GRHL1: variants seen among roughly 807,000 people sequenced by gnomAD.
GRHL1 encodes grainyhead-like protein 1 homolog.
Under a neutral mutation model 75.7 loss-of-function variants are expected in GRHL1, and 38 were observed. The observed-to-expected ratio is 0.50, with a 90% CI of 0.39 to 0.66. GRHL1 has a LOEUF of 0.66. GRHL1 is among the 30% of genes least tolerant of loss of function. The probability of loss-of-function intolerance (pLI) is 0.00; values close to 1 mark genes in which losing one functional copy is unlikely to be tolerated. For missense variants in GRHL1, 589 were observed against 767.5 expected, an observed-to-expected ratio of 0.77 and a Z score of 2.75; for synonymous variants, 266 against 279.4, an observed-to-expected ratio of 0.95 and a Z score of 0.48.
At chr2:9,972,877 T>C (rs111402150) in intron 8 of GRHL1, among the ~76,000 whole-genome samples, 1 of 152,298 alleles carries the variant, frequency 6.6e-6, no homozygotes, top group Non-Finnish European at 1.5e-5. Context: ...AGTGGTTTTT[T>C]TTTCTGTCTG....
chr2:9,960,776 T>C, intron 3 of GRHL1: 1 of 365,824 alleles, frequency 2.7e-6, no homozygotes, highest in African/African-American at 2.0e-5. Context: ...AGTAATTGTT[T>C]TTAGGATTAT....
intron 8 of GRHL1, among the ~76,000 whole-genome samples, chr2:9,979,167 A>AAAG (rs1171708342): frequency 6.9e-6 from 1 of 144,518 alleles, no homozygotes; most frequent in Non-Finnish European, 1.5e-5. Context: ...AAAAAAAAAA[A>AAAG]GGAAACCTTA....
intron 8 of GRHL1, among the ~76,000 whole-genome samples, chr2:9,966,593 T>G (rs1435131608): frequency 6.6e-6 from 1 of 152,210 alleles, no homozygotes; most frequent in Non-Finnish European, 1.5e-5. Context: ...ATTTATTCAA[T>G]AAGAATTTTA....
intron 14 of GRHL1, among the ~76,000 whole-genome samples, 184 bp downstream of exon 14, chr2:9,996,585 C>T (rs780825025): frequency 5.3e-4 from 80 of 152,338 alleles, no homozygotes; most frequent in African/African-American, 1.7e-3. Flanking sequence ...CTCACACAGT[C>T]ACTCAGTCAC....
Position 9,992,273 on chromosome 2 carries a change from G to A in GRHL1, c.1461+127G>A. 1 of 777,360 alleles carries A rather than the reference G, an allele frequency of 1.3e-6. No homozygotes were observed. The highest frequency in any genetic ancestry group is 2.0e-6 in the Non-Finnish European group (1 of 487,806). 48.2% of individuals were successfully genotyped at this position (777,360 alleles called of 1,614,324 possible). ...GGTTTGACCAGTTAGTCAGCTCTTTGGAATATTCTGCTGGGGTGACATGAT... is the reference window on the plus strand; with the variant it reads ...GGTTTGACCAGTTAGTCAGCTCTTTAGAATATTCTGCTGGGGTGACATGAT... On this transcript the variant is annotated intron_variant, in intron 11 of 15. Coordinates refer to ENST00000324907, the MANE Select transcript of GRHL1 (RefSeq NM_198182.3). This position sits in a 1 kb window ranked among gnomAD's most constrained non-coding sequence, Gnocchi z 4.6.
chr2:9,954,751 G>T, intron 1 of GRHL1, 164 bp from the exon 2 acceptor site: 1 of 686,356 alleles, frequency 1.5e-6, no homozygotes, highest in Non-Finnish European at 2.6e-6. Context: ...GGACCCATTG[G>T]TCTGCACTTA....
In GRHL1 at chr2:9,963,882, T is replaced by C. The variant is rs1365056967; in HGVS notation, c.747-4T>C. 6.2e-7 allele frequency: 1 copy of C among 1,607,400 alleles called. No individual in the cohort carries two copies. Among genetic ancestry groups the C allele is most frequent in the Non-Finnish European group, 8.5e-7 (1 of 1,177,516 alleles). On this transcript the variant is annotated splice_polypyrimidine_tract_variant and splice_region_variant and intron_variant, in intron 5 of 15. Transcript: ENST00000324907. ...AGAGACCTGTGACTTTTTTTGTCCT[T>C]TAGGAACAACTTTGAATATACCCTA...
At position 9,961,100 on chromosome 2, in the gene GRHL1, A is replaced by C; in HGVS notation, c.333A>C (p.Arg111Ser). Reference sequence around the variant, plus strand: ...CCCTCATCTCTGCTGGAGAAAACAGAGTGCAAGTACTGAAAAATGTGCCAT... The same window carrying C: ...CCCTCATCTCTGCTGGAGAAAACAGCGTGCAAGTACTGAAAAATGTGCCAT... ...EQPLISAGEN[R>S]VQVLKNVPFN... Residue 111 changes from arginine (R) to serine (S), a missense_variant, in exon 4 of 16, where the codon AGA becomes AGC. By Grantham distance (110) the Arg-to-Ser change is moderately radical (BLOSUM62 -1). Around this residue, in one of 5 missense-constraint regions of GRHL1, gnomAD observed 362 missense variants for 461.8 expected, o/e 0.78. Transcript: ENST00000324907. 1 of 1,569,684 alleles carries C rather than the reference A, an allele frequency of 6.4e-7. No homozygotes were observed. The highest frequency in any genetic ancestry group is 8.6e-7 in the Non-Finnish European group (1 of 1,156,576).
chr2:9,991,250 A>AC (rs1668630710), intron 10 of GRHL1, among the ~76,000 whole-genome samples: 1 of 151,928 alleles, frequency 6.6e-6, no homozygotes, highest in Non-Finnish European at 1.5e-5. Flanking sequence ...TTTAATTGTG[A>AC]CCAGTATTCA....
intron 12 of GRHL1, 73 bp from the exon 13 acceptor site, chr2:9,995,806 G>A (rs1308030405): frequency 1.5e-5 from 12 of 799,630 alleles, no homozygotes; most frequent in Non-Finnish European, 1.9e-5. Flanking sequence ...TTCCATGACA[G>A]GCTCTAAAAC....
chr2:9,959,722 G>A (rs1407934007), intron 3 of GRHL1: 1 of 152,158 alleles, frequency 6.6e-6, no homozygotes, highest in Non-Finnish European at 1.5e-5. Context: ...CCTCTTGTTT[G>A]ATTTGTTCTT....
At chr2:9,973,806 A>G (rs1197257653) in intron 8 of GRHL1, among the ~76,000 whole-genome samples, 1 of 152,192 alleles carries the variant, frequency 6.6e-6, no homozygotes, top group East Asian at 1.9e-4. Flanking sequence ...AATAAATACT[A>G]AGATGGGTTA....
chr2:9,966,051 A>C (rs536860224), intron 8 of GRHL1: 1 of 152,256 alleles, frequency 6.6e-6, no homozygotes, highest in South Asian at 2.1e-4. Context: ...CAATTATTAG[A>C]GTTCCTGTAT....
In GRHL1 at chr2:9,951,964, G is replaced by C. The variant is rs1405263065; in HGVS notation, c.20+111G>C. 7.5e-6 allele frequency: 4 copies of C among 534,484 alleles called. No individual in the cohort carries two copies. Among genetic ancestry groups the C allele is most frequent in the Non-Finnish European group, 9.7e-6 (4 of 413,134 alleles). The allele number at this position is 534,484 out of a possible 1,614,324, so 33.1% of individuals were successfully genotyped here. On this transcript the variant is annotated intron_variant, in intron 1 of 15. Coordinates refer to ENST00000324907, the MANE Select transcript of GRHL1 (RefSeq NM_198182.3). The surrounding 1 kb of genome is among the most constrained non-coding windows in gnomAD (Gnocchi z 4.2). ...AGGCCGCGCGGGCGGGCGGGCGCGG[G>C]GCGCGAGCCGGGGGCCGCTGTCCAC...
Position 9,987,427 on chromosome 2 carries a change from C to T in GRHL1, c.1269+1145C>T, listed in dbSNP as rs1407183570. Among the ~76,000 whole-genome samples, 1 of 152,156 alleles carries T rather than the reference C, an allele frequency of 6.6e-6. No homozygotes were observed. The highest frequency in any genetic ancestry group is 1.5e-5 in the Non-Finnish European group (1 of 68,030). ...GGAGGTGCACACAGGACCCTCTGAGCCCAGCTGCTGGAAGTGTAGGCAGTC... is the reference window on the plus strand; with the variant it reads ...GGAGGTGCACACAGGACCCTCTGAGTCCAGCTGCTGGAAGTGTAGGCAGTC... On this transcript the variant is annotated intron_variant, in intron 9 of 15. Transcript: ENST00000324907. This position sits in a 1 kb window ranked among gnomAD's most constrained non-coding sequence, Gnocchi z 4.2.
At chr2:9,979,188 C>G (rs1251866425) in intron 8 of GRHL1, among the ~76,000 whole-genome samples, 1 of 117,990 alleles carries the variant, frequency 8.5e-6, no homozygotes, top group Non-Finnish European at 1.8e-5. Context: ...TCCAAACTGT[C>G]ATAAAGTTGC....
intron 14 of GRHL1, among the ~76,000 whole-genome samples, 139 bp from the exon 15 acceptor site, chr2:9,998,797 CACATATATATACGTATATATATGTACACA>C (rs1669103735): frequency 2.3e-5 from 1 of 43,714 alleles, no homozygotes; most frequent in Non-Finnish European, 3.9e-5. Context: ...TATATGTACA[CACATATATATACGTATATATATGTACACA>C]TATATATATA....
intron 8 of GRHL1, among the ~76,000 whole-genome samples, chr2:9,983,292 A>G (rs1368519077): frequency 6.7e-6 from 1 of 149,084 alleles, no homozygotes. Context: ...TTGTGTATTT[A>G]TCTAGGCAAG....
chr2:9,998,599 CAT>C lies in GRHL1; in HGVS notation c.1678-356_1678-355del, dbSNP rs371441583. Among the ~76,000 whole-genome samples the C allele has an allele frequency of 0.024, 1,064 of 44,628 alleles. 285 individuals are homozygous for C. In the East Asian group the frequency reaches 0.31, roughly 13 times the overall value. The allele number at this position is 44,628 out of a possible 152,430, so 29.3% of individuals were successfully genotyped here. Reference sequence around the variant, plus strand: ...ATACATATGTACATATATATGTACACATATATATATACATATATATGTACACA... The same window carrying C: ...ATACATATGTACATATATATGTACACATATATATACATATATATGTACACA... On this transcript the variant is annotated intron_variant, in intron 14 of 15. Coordinates refer to ENST00000324907, the MANE Select transcript of GRHL1 (RefSeq NM_198182.3).
Sources: allele counts gnomAD v4.1 joint callset (sites outside exome capture counted in the v4.1 genomes callset), GRCh38; gene constraint gnomAD v4.1.1; regional missense constraint gnomAD v4.1.1; non-coding constraint Gnocchi (gnomAD v3.1); transcripts MANE v1.5; gene names NCBI Gene and HGNC (gene_info 2026-07-23, HGNC 2026-07-21).